UNK: variants seen among roughly 807,000 people sequenced by gnomAD.
UNK encodes the protein unk zinc finger, also known as RING finger protein unkempt homolog.
Under a neutral mutation model 97.6 loss-of-function variants are expected in UNK, and 32 were observed. That is an observed-to-expected ratio of 0.33 (90% CI 0.25 to 0.44). The LOEUF (loss-of-function observed/expected upper bound fraction) is 0.44. Ranked by LOEUF, UNK falls within the 20% of genes least tolerant of loss-of-function variation. UNK has a pLI of 1.00. For missense variants in UNK, 771 were observed against 1,098.4 expected, an observed-to-expected ratio of 0.70 and a Z score of 4.21; for synonymous variants, 441 against 461.2, an observed-to-expected ratio of 0.96 and a Z score of 0.56.
At chr17:75,785,285 C>G (rs777694909) in intron 1 of UNK, 11 of 342,468 alleles carry the variant, frequency 3.2e-5, no homozygotes, top group Non-Finnish European at 5.3e-5. Flanking sequence ...TTCCTCAGAC[C>G]ATAAAACCAC....
In UNK at chr17:75,801,136, C is replaced by T. The variant is rs1162155675; in HGVS notation, c.105-8624C>T. Among the ~76,000 whole-genome samples, 3 of 151,962 alleles carry T rather than the reference C, an allele frequency of 2.0e-5. No homozygotes were observed. The South Asian group carries it at 6.2e-4, about 32-fold the overall frequency. On this transcript the variant is annotated intron_variant, in intron 1 of 15. Coordinates refer to ENST00000589666, the MANE Select transcript of UNK (RefSeq NM_001080419.3). Reference sequence around the variant, plus strand: ...GCCAGGATGGTCTCGATCTCCTGACCTCATGATCCGCCCGCCTCGACCTCC... The same window carrying T: ...GCCAGGATGGTCTCGATCTCCTGACTTCATGATCCGCCCGCCTCGACCTCC...
chr17:75,816,749 C>T lies in UNK; in HGVS notation c.962-21C>T, dbSNP rs778641624. The T allele has an allele frequency of 1.1e-5, 17 of 1,589,668 alleles. No individual in the cohort carries two copies. The highest frequency in any genetic ancestry group is 3.3e-5 in the South Asian group (3 of 90,190). On this transcript the variant is annotated intron_variant, in intron 7 of 15. Transcript: ENST00000589666. The surrounding 1 kb of genome is among the most constrained non-coding windows in gnomAD (Gnocchi z 4.0). ...ACAGAGCTGGCTGGGGCCTGCTGAC[C>T]CCTGCCCCTGACTCTTGCAGAGCCA...
At chr17:75,811,048 G>A (rs529834938) in intron 2 of UNK, among the ~76,000 whole-genome samples, 2 of 151,448 alleles carry the variant, frequency 1.3e-5, no homozygotes, top group Non-Finnish European at 2.9e-5. Flanking sequence ...CACCTCTCGG[G>A]TTCAAGCAGT....
chr17:75,812,062 G>A (rs758807178), intron 2 of UNK, 50 bp from the exon 3 acceptor site: 2 of 1,538,110 alleles, frequency 1.3e-6, no homozygotes, highest in Non-Finnish European at 1.8e-6. Flanking sequence ...AGGCAGGGAA[G>A]CCTAGGCTGC....
Position 75,824,516 on chromosome 17 carries a change from A to T in UNK, c.*99A>T. 1.1e-6 allele frequency: 1 copy of T among 874,172 alleles called. No individual in the cohort carries two copies. Among genetic ancestry groups the T allele is most frequent in the Non-Finnish European group, 1.5e-6 (1 of 682,654 alleles). The allele number at this position is 874,172 out of a possible 1,614,324, so 54.2% of individuals were successfully genotyped here. A position where few individuals can be genotyped will look rare whatever the true frequency, so the allele number is the denominator to read the frequency against. On this transcript the variant is annotated 3_prime_UTR_variant, in exon 16 of 16. Transcript: ENST00000589666. The surrounding 1 kb of genome is among the most constrained non-coding windows in gnomAD (Gnocchi z 4.9). ...TATATATATATATGTGTATGTATGTATGTATATGTATATGATTATGTATAT... is the reference window on the plus strand; with the variant it reads ...TATATATATATATGTGTATGTATGTTTGTATATGTATATGATTATGTATAT...
chr17:75,818,561 C>G lies in UNK; in HGVS notation c.1372-81C>G. On this transcript the variant is annotated intron_variant, in intron 10 of 15. Transcript: ENST00000589666. The surrounding 1 kb of genome is among the most constrained non-coding windows in gnomAD (Gnocchi z 5.1). ...AGCTAGCACGGGCCATTTCCCTTGC[C>G]CCCAGCCCCTCTCCAGCCTCTCGTC... 6.8e-7 allele frequency: 1 copy of G among 1,474,382 alleles called. No homozygotes were observed. Among genetic ancestry groups the G allele is most frequent in the Non-Finnish European group, 9.1e-7 (1 of 1,098,960 alleles). 91.3% of individuals were successfully genotyped at this position (1,474,382 alleles called of 1,614,324 possible).
intron 1 of UNK, among the ~76,000 whole-genome samples, chr17:75,786,864 CAG>C (rs1447961832): frequency 6.6e-6 from 1 of 151,920 alleles, no homozygotes; most frequent in African/African-American, 2.4e-5. Context: ...TCTCAAAAAA[CAG>C]AAACAAAAAC....
At chr17:75,802,126 G>A (rs531856400) in intron 1 of UNK, among the ~76,000 whole-genome samples, 2 of 152,120 alleles carry the variant, frequency 1.3e-5, no homozygotes, top group South Asian at 4.1e-4. Flanking sequence ...GGGATTACAG[G>A]AGTGAGCCAC....
In UNK at chr17:75,822,667, C is replaced by T. The variant is rs776059160; in HGVS notation, c.2019+9C>T. On this transcript the variant is annotated intron_variant, in intron 14 of 15. Coordinates refer to ENST00000589666, the MANE Select transcript of UNK (RefSeq NM_001080419.3). ...GGAAGCAGGCCAAGCAGGTACCAGG[C>T]CCCGTGCCTGCCGGCCTTCCCCAGT... 1.3e-6 allele frequency: 2 copies of T among 1,587,922 alleles called. No individual in the cohort carries two copies. The highest frequency in any genetic ancestry group is 1.7e-6 in the Non-Finnish European group (2 of 1,164,558).
At chr17:75,800,376 A>G (rs1485456784) in intron 1 of UNK, among the ~76,000 whole-genome samples, 2 of 150,954 alleles carry the variant, frequency 1.3e-5, no homozygotes, top group East Asian at 2.0e-4. Flanking sequence ...CTCCCTTCAC[A>G]TTTTTTCAAT....
chr17:75,818,166 C>T lies in UNK; in HGVS notation c.1369C>T (p.Gln457Ter). 1 of 1,613,578 alleles carries T rather than the reference C, an allele frequency of 6.2e-7. No individual in the cohort carries two copies. Among genetic ancestry groups the T allele is most frequent in the Non-Finnish European group, 8.5e-7 (1 of 1,179,786 alleles). The change falls in exon 10 of 16, where the codon CAG (glutamine) becomes TAG (stop). Residue 457 changes from glutamine to a stop codon, truncating the protein, a stop_gained and splice_region_variant. Coordinates refer to ENST00000589666, the MANE Select transcript of UNK (RefSeq NM_001080419.3). LOFTEE classifies it high-confidence loss of function. This position sits in a 1 kb window ranked among gnomAD's most constrained non-coding sequence, Gnocchi z 5.1. The stretch of plus-strand genomic sequence containing the variant: ...AGAGCAGCCTCTGCTTCAGCCCAAA[C>T]AGGTATAGAGCTCTCAGCCCCCTTC... ...SQEQPLLQPKQDMLGILPAGS... is the reference protein window; with the variant it reads ...SQEQPLLQPK
intron 1 of UNK, 28 bp downstream of exon 1, chr17:75,785,012 C>T: frequency 7.5e-7 from 1 of 1,333,630 alleles, no homozygotes; most frequent in Non-Finnish European, 9.9e-7. Flanking sequence ...CCCCCCGCCG[C>T]GCGCGCACGC....
rs1373793353 is a variant in UNK, at chr17:75,824,402, C to A, written c.2418C>A (p.His806Gln). 3.2e-6 allele frequency: 5 copies of A among 1,554,816 alleles called. No individual in the cohort carries two copies. Among genetic ancestry groups the A allele is most frequent in the Non-Finnish European group, 4.3e-6 (5 of 1,154,096 alleles). The change falls in exon 16 of 16, where the codon CAC becomes CAA. Residue 806 changes from histidine to glutamine, a missense_variant. Transcript: ENST00000589666. The surrounding 1 kb of genome is among the most constrained non-coding windows in gnomAD (Gnocchi z 4.9). ...ECPICQPGRA[H>Q]TLQS is the part of the protein sequence containing the mutation. ...CCATCTGCCAGCCTGGCCGGGCCCA[C>A]ACCCTCCAGTCGTGACCCTGCAGGC... is the stretch of plus-strand genomic sequence containing the variant.
intron 6 of UNK, among the ~76,000 whole-genome samples, chr17:75,814,301 A>C (rs1227362941): frequency 6.6e-6 from 1 of 152,080 alleles, no homozygotes; most frequent in East Asian, 1.9e-4. Context: ...CAGGAGTTTG[A>C]GACTACCCTG....
chr17:75,787,300 C>T (rs1567791236), intron 1 of UNK, among the ~76,000 whole-genome samples: 2 of 152,132 alleles, frequency 1.3e-5, no homozygotes, highest in South Asian at 2.1e-4. Context: ...TAGCCTCGAC[C>T]TCCCTGGCTC....
Position 75,793,291 on chromosome 17 carries a change from T to A in UNK, c.104+8307T>A, listed in dbSNP as rs2061778480. Among the ~76,000 whole-genome samples, 7 of 152,332 alleles carry A rather than the reference T, an allele frequency of 4.6e-5. No homozygotes were observed. In the South Asian group the frequency reaches 1.4e-3, roughly 32 times the overall value. ...TTCAGGTATCGTGAGTGTTTTAAGGTTTACATGGGCATTTCTTTAAGGACA... is the reference window on the plus strand; with the variant it reads ...TTCAGGTATCGTGAGTGTTTTAAGGATTACATGGGCATTTCTTTAAGGACA... On this transcript the variant is annotated intron_variant, in intron 1 of 15. Transcript: ENST00000589666.
chr17:75,807,262 C>T (rs529581224), intron 1 of UNK, among the ~76,000 whole-genome samples: 3 of 152,256 alleles, frequency 2.0e-5, no homozygotes, highest in Non-Finnish European at 4.4e-5. Context: ...TGGCGTATAC[C>T]TGCAATCCCA....
intron 1 of UNK, chr17:75,793,321 A>AT: frequency 1.5e-6 from 1 of 682,940 alleles, no homozygotes; most frequent in Non-Finnish European, 1.8e-6. Context: ...AGGACAGGCC[A>AT]TGTGTTTTAG....
chr17:75,809,832 C>T lies in UNK; in HGVS notation c.177C>T (p.Tyr59=), dbSNP rs754029017. The change falls in exon 2 of 16, where the codon TAC becomes TAT. Residue 59 remains tyrosine (Y), a synonymous_variant. Coordinates refer to ENST00000589666, the MANE Select transcript of UNK (RefSeq NM_001080419.3). ...ACAAATGCACGCAGCATCGGCCCTA[C>T]ACCTGCTTCCACTGGCACTTCGTGA... ...VQHKCTQHRP[Y]TCFHWHFVNQ... 1.1e-4 allele frequency: 171 copies of T among 1,613,658 alleles called. No homozygotes were observed. The highest frequency in any genetic ancestry group is 1.2e-4 in the Non-Finnish European group (136 of 1,179,870).
Sources: gnomAD v4.1 joint callset for allele counts (sites outside exome capture counted in the v4.1 genomes callset) on GRCh38, gnomAD v4.1.1 for gene constraint, Gnocchi (gnomAD v3.1) non-coding constraint, MANE v1.5 for transcripts, NCBI Gene and HGNC (gene_info 2026-07-23, HGNC 2026-07-21) for gene names.